The following PZP variants were observed in gnomAD, a reference collection of about 807,000 sequenced individuals.
PZP encodes the protein PZP alpha-2-macroglobulin like, also known as pregnancy zone protein.
Under a neutral mutation model 179.8 loss-of-function variants are expected in PZP, and 150 were observed. The ratio of observed to expected loss-of-function variants is 0.83; its 90% CI spans 0.73 to 0.96. The LOEUF is 0.96. Among genes scored for constraint, PZP ranks in the 40% least tolerant of loss-of-function variants. The pLI is 0.00. For synonymous variants in PZP, 624 were observed against 652.3 expected, an observed-to-expected ratio of 0.96 and a Z score of 0.66; for missense variants, 1,689 against 1,764.0, an observed-to-expected ratio of 0.96 and a Z score of 0.76.
chr12:9,202,312 T>A lies in PZP; in HGVS notation c.480+7A>T. 6.2e-7 allele frequency: 1 copy of A among 1,611,340 alleles called. No homozygotes were observed. The highest frequency in any genetic ancestry group is 8.5e-7 in the Non-Finnish European group (1 of 1,177,412). On this transcript the variant is annotated splice_region_variant and intron_variant, in intron 4 of 35. Transcript: ENST00000261336. Reference sequence around the variant, plus strand: ...CACAACCCAAACCACAGATAGTGGATGCTTACCAGTTCATTTCGAGGGCGA... The same window carrying A: ...CACAACCCAAACCACAGATAGTGGAAGCTTACCAGTTCATTTCGAGGGCGA...
intron 28 of PZP, 72 bp downstream of exon 28, chr12:9,157,103 C>T: frequency 6.9e-7 from 1 of 1,445,784 alleles, no homozygotes; most frequent in Non-Finnish European, 9.5e-7. Context: ...CAGACAGGCC[C>T]CAATGTGTGC....
At chr12:9,160,234 A>C in intron 24 of PZP, 80 bp downstream of exon 24, 2 of 1,311,968 alleles carry the variant, frequency 1.5e-6, no homozygotes, top group Non-Finnish European at 2.1e-6. Flanking sequence ...TCATGGGTTA[A>C]TATTTGATGA....
chr12:9,174,064 T>C (rs911018247), intron 15 of PZP, among the ~76,000 whole-genome samples: 2 of 152,192 alleles, frequency 1.3e-5, no homozygotes, highest in Non-Finnish European at 2.9e-5. Context: ...TGAACATCGA[T>C]GCAAAAATCC....
intron 15 of PZP, among the ~76,000 whole-genome samples, chr12:9,177,327 C>T (rs931910424): frequency 1.3e-5 from 2 of 152,190 alleles, no homozygotes; most frequent in African/African-American, 2.4e-5. Context: ...GGAACTGAGG[C>T]CTCCTGCCAA....
intron 13 of PZP, among the ~76,000 whole-genome samples, chr12:9,182,421 T>C (rs903061428): frequency 3.3e-5 from 5 of 151,998 alleles, no homozygotes; most frequent in African/African-American, 9.6e-5. Flanking sequence ...ATTTTCTGCA[T>C]ATATATGTGA....
intron 29 of PZP, 73 bp downstream of exon 29, chr12:9,154,542 AT>A: frequency 1.5e-6 from 2 of 1,355,848 alleles, no homozygotes; most frequent in Non-Finnish European, 2.1e-6. Flanking sequence ...TCTCTTTTCC[AT>A]TAACTGTTCT....
At chr12:9,181,153 G>A (rs919209) in intron 14 of PZP, 21 bp from the exon 15 acceptor site, 344,953 of 1,612,846 alleles carry the variant, frequency 0.21, 38,442 homozygotes, top group African/African-American at 0.33. Flanking sequence ...TGAAGGAAAC[G>A]TCAACCAGTG....
chr12:9,158,130 T>G (rs1940899857), intron 26 of PZP, among the ~76,000 whole-genome samples: 1 of 152,126 alleles, frequency 6.6e-6, no homozygotes, highest in Non-Finnish European at 1.5e-5. Flanking sequence ...TTGTAAAATG[T>G]TTTTTGTAGA....
chr12:9,194,442 A>G (rs1468922728), intron 10 of PZP, among the ~76,000 whole-genome samples: 1 of 147,762 alleles, frequency 6.8e-6, no homozygotes, highest in Admixed American at 6.8e-5. Flanking sequence ...ACTTTGTAGT[A>G]TTTCCAGTAA....
Position 9,194,231 on chromosome 12 carries a change from A to G in PZP, c.1100T>C (p.Leu367Pro), listed in dbSNP as rs1943616710. ...GATGGGCACACCTTTTCCATCCACC[A>G]GAAGCACCTAAAGAAGAAAAGTACT... ...QGIPFFAQVLLVDGKGVPIPN... is the reference protein window; with the variant it reads ...QGIPFFAQVLPVDGKGVPIPN... The change falls in exon 11 of 36, where the codon CTG (leucine) becomes CCG (proline). Residue 367 changes from leucine (L) to proline (P), a missense_variant. This residue lies in a region of PZP where 742 missense variants were observed against 730.5 expected (regional missense o/e 1.02). Transcript: ENST00000261336. 1.9e-6 allele frequency: 3 copies of G among 1,613,840 alleles called. No individual in the cohort carries two copies. Among genetic ancestry groups the G allele is most frequent in the African/African-American group, 1.3e-5 (1 of 74,914 alleles).
chr12:9,169,068 C>G lies in PZP; in HGVS notation c.2002-94G>C, dbSNP rs1469652507. On this transcript the variant is annotated intron_variant, in intron 16 of 35. Coordinates refer to ENST00000261336, the MANE Select transcript of PZP (RefSeq NM_002864.3). The stretch of plus-strand genomic sequence containing the variant: ...AGACTTCTCTATGTAATTCCAGTAT[C>G]CTTATATTAATTCTATGGCGAAACA... 3 of 859,660 alleles carry G rather than the reference C, an allele frequency of 3.5e-6. No individual in the cohort carries two copies. The Admixed American group carries it at 6.8e-5, about 20-fold the overall frequency. The allele number at this position is 859,660 out of a possible 1,614,324, so 53.3% of individuals were successfully genotyped here. A position where few individuals can be genotyped will look rare whatever the true frequency, so the allele number is the denominator to read the frequency against.
At chr12:9,194,038 A>G (rs1672764734) in intron 11 of PZP, 39 bp downstream of exon 11, 4 of 1,566,590 alleles carry the variant, frequency 2.6e-6, no homozygotes, top group African/African-American at 1.4e-5. Context: ...TGTTCCTAAC[A>G]TTTCCTTTGT....
intron 17 of PZP, 35 bp downstream of exon 17, chr12:9,168,834 C>A: frequency 6.7e-7 from 1 of 1,490,748 alleles, no homozygotes; most frequent in South Asian, 1.1e-5. Flanking sequence ...TATTGTTGGA[C>A]ATGAAATAAA....
intron 7 of PZP, among the ~76,000 whole-genome samples, chr12:9,197,748 TAATATATATAATTATATATTATACAATAC>T (rs1209473902): frequency 1.7e-4 from 15 of 89,238 alleles, no homozygotes; most frequent in Non-Finnish European, 2.9e-4. Flanking sequence ...ATACAATACA[TAATATATATAATTATATATTATACAATAC>T]ATAATATATA....
intron 28 of PZP, 22 bp from the exon 29 acceptor site, chr12:9,154,861 A>T (rs781770426): frequency 4.0e-5 from 63 of 1,592,840 alleles, no homozygotes; most frequent in Non-Finnish European, 5.1e-5. Flanking sequence ...GAAAAAGGAG[A>T]TAATTGTAAC....
chr12:9,145,220 A>G (rs1355478198), downstream of PZP, among the ~76,000 whole-genome samples: 1 of 152,018 alleles, frequency 6.6e-6, no homozygotes, highest in Non-Finnish European at 1.5e-5. Context: ...TAGTTGTTTT[A>G]TGTTAGCCTT....
chr12:9,158,210 C>T (rs1003844506), intron 26 of PZP, among the ~76,000 whole-genome samples: 1 of 152,192 alleles, frequency 6.6e-6, no homozygotes, highest in Non-Finnish European at 1.5e-5. Context: ...CTGCCTTGGC[C>T]TCCCAAAGTG....
intron 13 of PZP, 57 bp from the exon 14 acceptor site, chr12:9,182,174 A>T (rs1470220688): frequency 8.4e-5 from 14 of 166,706 alleles, no homozygotes; most frequent in African/African-American, 1.7e-4. Flanking sequence ...AAGGTCATAA[A>T]AATAGTGTCA....
downstream of PZP, among the ~76,000 whole-genome samples, chr12:9,145,787 A>G (rs773204472): frequency 6.6e-6 from 1 of 152,056 alleles, no homozygotes; most frequent in Non-Finnish European, 1.5e-5. Context: ...TTACTCCTCC[A>G]TTTTTGATGG....
Sources: allele counts gnomAD v4.1 joint callset (sites outside exome capture counted in the v4.1 genomes callset), GRCh38; gene constraint gnomAD v4.1.1; regional missense constraint gnomAD v4.1.1; transcripts MANE v1.5; gene names NCBI Gene and HGNC (gene_info 2026-07-23, HGNC 2026-07-21).